The following OR1B1 variants were observed in gnomAD, a reference collection of about 807,000 sequenced individuals.
The protein encoded by OR1B1 is olfactory receptor 1B1.
For synonymous variants in OR1B1, 168 were observed against 156.2 expected (o/e 1.08, Z -0.57); for missense variants, 414 against 402.1 (o/e 1.03, Z -0.25).
upstream of OR1B1, among the ~76,000 whole-genome samples, chr9:122,634,454 G>T (rs1830238027): frequency 6.6e-6 from 1 of 152,162 alleles, no homozygotes; most frequent in South Asian, 2.1e-4. Flanking sequence ...CACACAGCTG[G>T]GGAGCCCTCA....
chr9:122,631,134 C>T (rs892457551), upstream of OR1B1, among the ~76,000 whole-genome samples: 1 of 152,120 alleles, frequency 6.6e-6, no homozygotes, highest in Admixed American at 6.5e-5. Context: ...CAATCATCCA[C>T]ACATGCCCAC....
chr9:122,641,221 T>A, the OR1B1 span, among the ~76,000 whole-genome samples: 1 of 152,222 alleles, frequency 6.6e-6, no homozygotes, highest in Non-Finnish European at 1.5e-5. Context: ...TAGTGGTGAA[T>A]GTGACATAAT....
At chr9:122,642,518 G>C in the OR1B1 span, among the ~76,000 whole-genome samples, 1 of 152,068 alleles carries the variant, frequency 6.6e-6, no homozygotes, top group Non-Finnish European at 1.5e-5. Context: ...CTTTCCTCTA[G>C]AGCCACCTGG....
At chr9:122,655,401 T>G in the OR1B1 span, among the ~76,000 whole-genome samples, 4 of 152,050 alleles carry the variant, frequency 2.6e-5, no homozygotes, top group Non-Finnish European at 5.9e-5. Context: ...CTTTTACACA[T>G]AAAATGACAG....
rs1564218741 is a variant in OR1B1, at chr9:122,628,981, AC to A, written c.554del (p.Cys185LeufsTer98). The A allele has an allele frequency of 6.2e-7, 1 of 1,614,008 alleles. No homozygotes were observed. Among genetic ancestry groups the A allele is most frequent in the South Asian group, 1.1e-5 (1 of 91,062 alleles). ...AGGCTCGCAGAAGTGGCCGGTGGTC[AC>A]AAAAGAAGTGAGGAAGGTTAACGTT... On this transcript the variant is annotated frameshift_variant, in exon 1 of 1. Coordinates refer to ENST00000623530, the Ensembl canonical transcript of OR1B1. LOFTEE classifies it low-confidence loss of function (END_TRUNC).
the OR1B1 span, among the ~76,000 whole-genome samples, chr9:122,655,586 G>A: frequency 1.3e-5 from 2 of 148,500 alleles, no homozygotes; most frequent in African/African-American, 2.5e-5. Context: ...AACAAACACA[G>A]CAACAGAAAA....
At chr9:122,644,287 C>T in the OR1B1 span, among the ~76,000 whole-genome samples, 1 of 152,172 alleles carries the variant, frequency 6.6e-6, no homozygotes, top group Non-Finnish European at 1.5e-5. Context: ...AAGAAGAGCC[C>T]TTGGGCTTTA....
At chr9:122,644,237 A>G in the OR1B1 span, among the ~76,000 whole-genome samples, 1 of 152,042 alleles carries the variant, frequency 6.6e-6, no homozygotes, top group Non-Finnish European at 1.5e-5. Flanking sequence ...ACAGCCTTGA[A>G]TGGTGAGTCT....
the OR1B1 span, among the ~76,000 whole-genome samples, chr9:122,654,032 G>GA: frequency 2.6e-5 from 4 of 151,920 alleles, no homozygotes; most frequent in Non-Finnish European, 5.9e-5. Context: ...ACATGCTCCA[G>GA]AAAAAGAGAC....
rs374584759 is a variant in OR1B1, at chr9:122,629,275, C to A, written c.261G>T (p.Leu87Phe). 45 of 1,614,040 alleles carry A rather than the reference C, an allele frequency of 2.8e-5. 1 individual carries two copies. The South Asian group carries it at 3.1e-4, about 11-fold the overall frequency. The stretch of plus-strand genomic sequence containing the variant: ...CAGGAATGGTTGGGTAATGAGAGAC[C>A]AAATGGGCCAGCAACTGGGGCAGTG... Residue 87 changes from leucine to phenylalanine, a missense_variant, in exon 1 of 1, where the codon TTG (leucine) becomes TTT (phenylalanine). Coordinates refer to ENST00000623530, the Ensembl canonical transcript of OR1B1.
exon 1 of OR1B1, chr9:122,628,897 C>G: frequency 1.2e-6 from 2 of 1,614,118 alleles, no homozygotes; most frequent in Non-Finnish European, 1.7e-6. Context: ...AGGGGCCCAG[C>G]ATAAGGAAGC....
the OR1B1 span, among the ~76,000 whole-genome samples, chr9:122,635,249 G>A: frequency 1.1e-3 from 165 of 152,306 alleles, no homozygotes; most frequent in Non-Finnish European, 1.9e-3. Flanking sequence ...ATTATGTTAA[G>A]TGAGATAAGC....
At chr9:122,653,570 A>T in the OR1B1 span, among the ~76,000 whole-genome samples, 5 of 152,144 alleles carry the variant, frequency 3.3e-5, no homozygotes, top group African/African-American at 1.2e-4. Flanking sequence ...GAGATCTTCC[A>T]CTGTCTCATG....
chr9:122,641,133 A>G, the OR1B1 span, among the ~76,000 whole-genome samples: 1 of 152,188 alleles, frequency 6.6e-6, no homozygotes, highest in Non-Finnish European at 1.5e-5. Flanking sequence ...ATAACAGGGT[A>G]TAGTGCATCA....
the OR1B1 span, among the ~76,000 whole-genome samples, chr9:122,638,752 T>C: frequency 3.9e-5 from 6 of 152,196 alleles, no homozygotes; most frequent in Non-Finnish European, 8.8e-5. Context: ...ATGTTTCCAA[T>C]TATCATTTCT....
At chr9:122,638,735 AG>A in the OR1B1 span, among the ~76,000 whole-genome samples, 1 of 152,204 alleles carries the variant, frequency 6.6e-6, no homozygotes, top group Non-Finnish European at 1.5e-5. Flanking sequence ...GACCCCAGGC[AG>A]GACCCATGTT....
chr9:122,634,374 GAAACAA>G (rs1830237157), upstream of OR1B1, among the ~76,000 whole-genome samples: 1 of 150,926 alleles, frequency 6.6e-6, no homozygotes, highest in African/African-American at 2.4e-5. Context: ...GAAGAAAAAA[GAAACAA>G]AAAAGAAATA....
At chr9:122,630,327 T>G (rs7854941), upstream of OR1B1, among the ~76,000 whole-genome samples, 1 of 152,176 alleles carries the variant, frequency 6.6e-6, no homozygotes, top group African/African-American at 2.4e-5. Context: ...AATAGCATTA[T>G]CATTATCATC....
At chr9:122,650,223 G>A in the OR1B1 span, among the ~76,000 whole-genome samples, 1 of 151,938 alleles carries the variant, frequency 6.6e-6, no homozygotes. Context: ...CATAGGGAGG[G>A]GAACATCACA....
Sources: gnomAD v4.1 joint callset for allele counts (sites outside exome capture counted in the v4.1 genomes callset) on GRCh38, gnomAD v4.1.1 for gene constraint, MANE v1.5 for transcripts, NCBI Gene and HGNC (gene_info 2026-07-23, HGNC 2026-07-21) for gene names.